The following FAM227B variants were observed in gnomAD, a reference collection of about 807,000 sequenced individuals.
The protein encoded by FAM227B is family with sequence similarity 227 member B.
Under a neutral mutation model 73.8 loss-of-function variants are expected in FAM227B, and 88 were observed. That is an observed-to-expected ratio of 1.19 (90% CI 1.00 to 1.42). FAM227B has a LOEUF of 1.42. FAM227B is among the 40% of genes most tolerant of loss of function. The pLI, the probability that FAM227B is intolerant of heterozygous loss-of-function variation, is 0.00. For missense variants in FAM227B, 632 were observed against 590.9 expected (o/e 1.07, Z -0.72); for synonymous variants, 210 against 190.5 (o/e 1.10, Z -0.84).
intron 13 of FAM227B, among the ~76,000 whole-genome samples, chr15:49,360,101 A>AG (rs567696991): frequency 1.5e-5 from 1 of 67,028 alleles, no homozygotes; most frequent in Non-Finnish European, 2.7e-5. Context: ...GGGTGGGGGG[A>AG]GGGGGGAGGG....
At chr15:49,408,736 T>C (rs2048681214) in intron 11 of FAM227B, among the ~76,000 whole-genome samples, 1 of 152,188 alleles carries the variant, frequency 6.6e-6, no homozygotes, top group South Asian at 2.1e-4. Flanking sequence ...AATCCTGTTT[T>C]TTTCTGCTTC....
intron 13 of FAM227B, among the ~76,000 whole-genome samples, chr15:49,340,666 C>T (rs2151221002): frequency 6.6e-6 from 1 of 152,192 alleles, no homozygotes; most frequent in Middle Eastern, 3.4e-3. Context: ...GATATAAGAA[C>T]TTTGTTGGAT....
At chr15:49,355,701 C>G (rs2043036556) in intron 13 of FAM227B, among the ~76,000 whole-genome samples, 1 of 150,954 alleles carries the variant, frequency 6.6e-6, no homozygotes, top group Non-Finnish European at 1.5e-5. Context: ...CCCAATCTAG[C>G]AAGGCAGGCC....
At chr15:49,383,647 T>C (rs992004699) in intron 11 of FAM227B, among the ~76,000 whole-genome samples, 1 of 151,908 alleles carries the variant, frequency 6.6e-6, no homozygotes, top group Admixed American at 6.6e-5. Flanking sequence ...AAATGAAAAC[T>C]GGCAAAAAAT....
chr15:49,434,899 T>C (rs1222273023), intron 11 of FAM227B, among the ~76,000 whole-genome samples: 2 of 151,578 alleles, frequency 1.3e-5, no homozygotes, highest in East Asian at 1.9e-4. Context: ...GTTCATACAA[T>C]GTTTTTCCTT....
intron 11 of FAM227B, among the ~76,000 whole-genome samples, chr15:49,480,622 C>T (rs1358356101): frequency 6.6e-6 from 1 of 151,922 alleles, no homozygotes; most frequent in African/African-American, 2.4e-5. Flanking sequence ...GCTGGGATTA[C>T]AGGCACCCGC....
At chr15:49,523,777 G>A (rs1047134210) in intron 10 of FAM227B, among the ~76,000 whole-genome samples, 4 of 152,220 alleles carry the variant, frequency 2.6e-5, no homozygotes, top group African/African-American at 9.7e-5. Flanking sequence ...ATGAAATCCA[G>A]TCTGAAGTGG....
intron 11 of FAM227B, among the ~76,000 whole-genome samples, chr15:49,496,409 CTTTA>C (rs1159793982): frequency 6.6e-6 from 1 of 152,114 alleles, no homozygotes; most frequent in Non-Finnish European, 1.5e-5. Context: ...TAAAAATGAT[CTTTA>C]TTTGAGTTCA....
chr15:49,522,300 C>A (rs1463297453), intron 10 of FAM227B, among the ~76,000 whole-genome samples: 1 of 152,082 alleles, frequency 6.6e-6, no homozygotes, highest in Non-Finnish European at 1.5e-5. Context: ...TTTAGAAGTC[C>A]CATCTAAATG....
At chr15:49,439,589 A>G (rs1241392376) in intron 11 of FAM227B, among the ~76,000 whole-genome samples, 1 of 151,770 alleles carries the variant, frequency 6.6e-6, no homozygotes, top group East Asian at 1.9e-4. Context: ...TAAAGCAACA[A>G]TAGAAGAGAA....
At chr15:49,405,677 G>T (rs118174717) in intron 11 of FAM227B, among the ~76,000 whole-genome samples, 1,673 of 152,226 alleles carry the variant, frequency 0.011, 20 homozygotes, top group Non-Finnish European at 0.014. Context: ...AGCTTCCTTA[G>T]ATTGGGTTTC....
intron 9 of FAM227B, among the ~76,000 whole-genome samples, chr15:49,547,443 T>A (rs2072091310): frequency 6.6e-6 from 1 of 152,012 alleles, no homozygotes; most frequent in Non-Finnish European, 1.5e-5. Context: ...TAACTTTAAA[T>A]GTAAATGGGC....
intron 11 of FAM227B, among the ~76,000 whole-genome samples, chr15:49,443,843 G>C (rs1036576822): frequency 1.3e-5 from 2 of 151,664 alleles, no homozygotes; most frequent in African/African-American, 2.4e-5. Context: ...TTATATGCTT[G>C]TGTGCTATGC....
intron 11 of FAM227B, among the ~76,000 whole-genome samples, chr15:49,398,121 C>A (rs1475249806): frequency 6.6e-6 from 1 of 152,126 alleles, no homozygotes; most frequent in Non-Finnish European, 1.5e-5. Flanking sequence ...TGCAGAGACA[C>A]ACATAGGCTC....
At chr15:49,489,867 TATATATATATATATATAGAGAGAGAGAG>T (rs2056878538) in intron 11 of FAM227B, among the ~76,000 whole-genome samples, 4 of 13,906 alleles carry the variant, frequency 2.9e-4, no homozygotes, top group Non-Finnish European at 4.8e-4. Context: ...ATTTTATATA[TATATATATATATATATAGAGAGAGAGAG>T]AGAGAGAGAG....
intron 11 of FAM227B, chr15:49,396,134 T>TGC: frequency 2.6e-6 from 1 of 382,768 alleles, no homozygotes; most frequent in Non-Finnish European, 5.2e-6. Context: ...GGTCAGTGGG[T>TGC]GTGCTCACCG....
chr15:49,378,737 C>A (rs1173551222), intron 11 of FAM227B, among the ~76,000 whole-genome samples: 1 of 152,234 alleles, frequency 6.6e-6, no homozygotes, highest in Non-Finnish European at 1.5e-5. Context: ...AAGATAAACT[C>A]ATCTGCAGAT....
chr15:49,383,716 A>T (rs1366851541), intron 11 of FAM227B, among the ~76,000 whole-genome samples: 2 of 152,162 alleles, frequency 1.3e-5, no homozygotes, highest in African/African-American at 2.4e-5. Context: ...TGACGGACAT[A>T]AGAAGTAAGT....
At chr15:49,573,761 T>C (rs1219760997) in intron 8 of FAM227B, among the ~76,000 whole-genome samples, 2 of 152,170 alleles carry the variant, frequency 1.3e-5, no homozygotes, top group African/African-American at 4.8e-5. Flanking sequence ...ACAAGAGAGA[T>C]GTTTAATAAA....
Sources: allele counts gnomAD v4.1 joint callset (sites outside exome capture counted in the v4.1 genomes callset), GRCh38; gene constraint gnomAD v4.1.1; transcripts MANE v1.5; gene names NCBI Gene and HGNC (gene_info 2026-07-23, HGNC 2026-07-21).